The following LRP1B variants were observed in gnomAD, a reference collection of about 807,000 sequenced individuals.
The protein encoded by LRP1B is LDL receptor related protein 1B.
A neutral mutation model predicts 556.6 loss-of-function variants in LRP1B; 217 were observed. The ratio of observed to expected loss-of-function variants is 0.39; its 90% CI spans 0.35 to 0.44. LRP1B has a LOEUF of 0.44. Ranked by LOEUF, LRP1B falls within the 20% of genes least tolerant of loss-of-function variation. The pLI is 1.00. For synonymous variants in LRP1B, 2,047 were observed against 1,865.8 expected, an observed-to-expected ratio of 1.10 and a Z score of -2.50; for missense variants, 5,053 against 5,620.8, an observed-to-expected ratio of 0.90 and a Z score of 3.23.
chr2:141,888,724 A>G (rs1235252902), intron 1 of LRP1B, among the ~76,000 whole-genome samples: 1 of 152,198 alleles, frequency 6.6e-6, no homozygotes. Context: ...GGATTAGAGC[A>G]GAGAGAGTTT....
intron 43 of LRP1B, among the ~76,000 whole-genome samples, chr2:140,593,744 GA>G (rs1352077887): frequency 1.3e-5 from 2 of 151,694 alleles, no homozygotes; most frequent in Non-Finnish European, 2.9e-5. Context: ...CAGTTTGATA[GA>G]AAAAAACTAA....
chr2:140,637,655 C>G (rs1409780123), intron 41 of LRP1B, among the ~76,000 whole-genome samples: 6 of 152,044 alleles, frequency 3.9e-5, no homozygotes, highest in Admixed American at 6.6e-5. Flanking sequence ...GTGCCAGGTG[C>G]CACTGTTGTA....
chr2:141,600,354 A>T (rs1687681138), intron 2 of LRP1B, among the ~76,000 whole-genome samples: 1 of 152,194 alleles, frequency 6.6e-6, no homozygotes, highest in Non-Finnish European at 1.5e-5. Flanking sequence ...TACACAATAC[A>T]TAAAGTTGAG....
intron 43 of LRP1B, among the ~76,000 whole-genome samples, chr2:140,555,916 CAG>C (rs1209282976): frequency 4.6e-5 from 7 of 151,940 alleles, no homozygotes; most frequent in South Asian, 2.1e-4. Flanking sequence ...AATAAAAAAG[CAG>C]AGTTTTATCT....
intron 3 of LRP1B, among the ~76,000 whole-genome samples, chr2:141,338,169 G>T (rs1212839363): frequency 6.6e-6 from 1 of 152,096 alleles, no homozygotes; most frequent in Non-Finnish European, 1.5e-5. Flanking sequence ...TATTGTATTA[G>T]CTCGATTCTC....
At chr2:140,988,433 G>C (rs1696992538) in intron 17 of LRP1B, among the ~76,000 whole-genome samples, 1 of 152,128 alleles carries the variant, frequency 6.6e-6, no homozygotes, top group African/African-American at 2.4e-5. Flanking sequence ...TGTCACTATG[G>C]AAAAAATCTG....
intron 15 of LRP1B, among the ~76,000 whole-genome samples, chr2:140,998,041 A>G (rs558328192): frequency 7.9e-5 from 12 of 152,108 alleles, no homozygotes; most frequent in African/African-American, 2.9e-4. Context: ...TACACATTAG[A>G]TTGCATATAT....
chr2:140,318,199 C>T (rs896414483), intron 82 of LRP1B, among the ~76,000 whole-genome samples: 1 of 152,092 alleles, frequency 6.6e-6, no homozygotes, highest in East Asian at 1.9e-4. Context: ...CATTTATCTT[C>T]AGCAATCAAT....
intron 2 of LRP1B, among the ~76,000 whole-genome samples, chr2:141,709,751 A>C (rs1195003064): frequency 1.3e-5 from 2 of 152,186 alleles, no homozygotes; most frequent in African/African-American, 4.8e-5. Context: ...AAGGGCTAGA[A>C]GGTGAATTCT....
chr2:140,592,604 C>T (rs768775875), intron 43 of LRP1B, among the ~76,000 whole-genome samples: 40 of 151,732 alleles, frequency 2.6e-4, no homozygotes, highest in Non-Finnish European at 4.3e-4. Context: ...GGCCCTTGAA[C>T]GTCATTAAAA....
At chr2:140,254,508 C>T (rs905303189) in intron 86 of LRP1B, among the ~76,000 whole-genome samples, 2 of 151,932 alleles carry the variant, frequency 1.3e-5, no homozygotes, top group African/African-American at 4.8e-5. Context: ...TGTTCTAGTT[C>T]CAAGATTTCT....
chr2:141,303,751 T>G (rs1425553015), intron 3 of LRP1B, among the ~76,000 whole-genome samples: 3 of 152,118 alleles, frequency 2.0e-5, no homozygotes, highest in African/African-American at 7.2e-5. Context: ...ATCCCTTTGA[T>G]GTATTGATTT....
At chr2:140,852,244 T>C (rs1318966613) in intron 27 of LRP1B, among the ~76,000 whole-genome samples, 3 of 152,118 alleles carry the variant, frequency 2.0e-5, no homozygotes, top group African/African-American at 4.8e-5. Context: ...GGAGAATCAC[T>C]TGAACCCGGG....
intron 71 of LRP1B, among the ~76,000 whole-genome samples, chr2:140,368,185 T>C (rs1682846859): frequency 1.3e-5 from 2 of 151,798 alleles, no homozygotes; most frequent in African/African-American, 2.4e-5. Flanking sequence ...TTTAAAGAGA[T>C]TGGCTGAATT....
chr2:141,427,382 G>T (rs1226183487), intron 3 of LRP1B, among the ~76,000 whole-genome samples: 2 of 152,054 alleles, frequency 1.3e-5, no homozygotes, highest in African/African-American at 4.8e-5. Flanking sequence ...GAAAAACAAG[G>T]CAAAATGGCC....
intron 12 of LRP1B, 54 bp downstream of exon 12, chr2:141,019,868 A>T (rs1573988124): frequency 7.6e-7 from 1 of 1,310,156 alleles, no homozygotes; most frequent in Non-Finnish European, 1.0e-6. Flanking sequence ...TATGTAAGAA[A>T]CAAATTTATC....
intron 7 of LRP1B, among the ~76,000 whole-genome samples, chr2:141,091,812 C>G (rs1393502301): frequency 2.0e-5 from 3 of 152,172 alleles, no homozygotes; most frequent in Non-Finnish European, 4.4e-5. Context: ...CAAAAGTACA[C>G]AGCAAGGCCA....
At chr2:140,667,547 A>G (rs191204387) in intron 41 of LRP1B, among the ~76,000 whole-genome samples, 5 of 152,340 alleles carry the variant, frequency 3.3e-5, no homozygotes, top group African/African-American at 1.2e-4. Flanking sequence ...TCTGCTCTAC[A>G]GACCACAGTA....
At chr2:141,293,682 A>C (rs1309194133) in intron 3 of LRP1B, among the ~76,000 whole-genome samples, 2 of 145,698 alleles carry the variant, frequency 1.4e-5, no homozygotes, top group African/African-American at 5.1e-5. Context: ...ATTGGTATAT[A>C]TGTTATTTAA....
Sources: allele counts gnomAD v4.1 joint callset (sites outside exome capture counted in the v4.1 genomes callset), GRCh38; gene constraint gnomAD v4.1.1; transcripts MANE v1.5; gene names NCBI Gene and HGNC (gene_info 2026-07-23, HGNC 2026-07-21).